The following FANCD2 variants were observed in gnomAD, a reference collection of about 807,000 sequenced individuals.
FANCD2 encodes the protein Fanconi anemia group D2 protein.
FANCD2 carries 131 observed loss-of-function variants against 192.3 expected under a neutral mutation model. That is an observed-to-expected ratio of 0.68 (90% CI 0.59 to 0.79). FANCD2 has a LOEUF of 0.79. FANCD2 is among the 30% of genes least tolerant of loss of function. The pLI, the probability that FANCD2 is intolerant of heterozygous loss-of-function variation, is 0.00. For synonymous variants in FANCD2, 524 were observed against 612.5 expected, an observed-to-expected ratio of 0.86 and a Z score of 2.13; for missense variants, 1,508 against 1,701.6, an observed-to-expected ratio of 0.89 and a Z score of 2.00.
At chr3:10,080,328 G>T (rs1693767077) in intron 30 of FANCD2, among the ~76,000 whole-genome samples, 1 of 152,172 alleles carries the variant, frequency 6.6e-6, no homozygotes, top group South Asian at 2.1e-4. Flanking sequence ...CCACCTCCGG[G>T]ATTCAAGTAA....
intron 18 of FANCD2, 132 bp from the exon 19 acceptor site, chr3:10,060,162 C>T (rs970193417): frequency 1.6e-5 from 10 of 644,286 alleles, no homozygotes; most frequent in Non-Finnish European, 2.4e-5. Context: ...AACGAAAGTC[C>T]GTCTCAAAAA....
intron 7 of FANCD2, 79 bp from the exon 8 acceptor site, chr3:10,039,200 T>A (rs1040711903): frequency 9.2e-5 from 92 of 1,002,386 alleles, no homozygotes; most frequent in Non-Finnish European, 1.3e-4. Flanking sequence ...ATGGCTAAAA[T>A]ATTTTGTGCA....
chr3:10,050,353 G>C (rs187675742), intron 17 of FANCD2, among the ~76,000 whole-genome samples: 4 of 152,062 alleles, frequency 2.6e-5, no homozygotes, highest in African/African-American at 9.7e-5. Context: ...GTCCGGGTGC[G>C]GTGGCTCATG....
intron 29 of FANCD2, 76 bp downstream of exon 29, chr3:10,074,749 A>C: frequency 7.1e-7 from 1 of 1,403,864 alleles, no homozygotes; most frequent in Non-Finnish European, 1.0e-6. Context: ...TTTCACAAAG[A>C]ACACTGTGAC....
rs773656868 is a variant in FANCD2, at chr3:10,032,942, C to T, written c.175C>T (p.Leu59Phe). ...GCTTCTTAAGATATCAGGAATTATT[C>T]TTAAAACGGGAGAGAGTCAGAATCA... is the stretch of plus-strand genomic sequence containing the variant. ...VKLLKISGIILKTGESQNQLA... is the reference protein window; with the variant it reads ...VKLLKISGIIFKTGESQNQLA... Residue 59 changes from leucine (L) to phenylalanine (F), a missense_variant, in exon 3 of 44, where the codon CTT becomes TTT. This residue lies in a region of FANCD2 where 435 missense variants were observed against 421.9 expected (regional missense o/e 1.03). Coordinates refer to ENST00000675286, the MANE Select transcript of FANCD2 (RefSeq NM_001018115.3). The T allele has an allele frequency of 6.3e-7, 1 of 1,590,752 alleles. No homozygotes were observed. Among genetic ancestry groups the T allele is most frequent in the South Asian group, 1.1e-5 (1 of 90,406 alleles).
In FANCD2 at chr3:10,085,891, G is replaced by T; in HGVS notation, c.3304G>T (p.Glu1102Ter). ...HVLSSRLKQG[E>*]HSQPLEELLS... ...CCTTAGTAGCCGACTGAAACAGGGA[G>T]AACACAGCCAGCCTTTGGAGGAACT... The change falls in exon 33 of 44, where the codon GAA (glutamate) becomes TAA (stop). Residue 1102 changes from glutamate (E) to a stop codon, truncating the protein, a stop_gained. Transcript: ENST00000675286. LOFTEE classifies it high-confidence loss of function. 6.2e-7 allele frequency: 1 copy of T among 1,613,296 alleles called. No individual in the cohort carries two copies. Among genetic ancestry groups the T allele is most frequent in the South Asian group, 1.1e-5 (1 of 91,048 alleles).
intron 42 of FANCD2, 75 bp from the exon 43 acceptor site, chr3:10,098,645 A>C: frequency 6.4e-7 from 1 of 1,561,802 alleles, no homozygotes; most frequent in Non-Finnish European, 8.7e-7. Context: ...TATTGCCTGT[A>C]AACTCAACCT....
chr3:10,031,239 C>A (rs938978709), intron 2 of FANCD2, among the ~76,000 whole-genome samples: 1 of 152,136 alleles, frequency 6.6e-6, no homozygotes, highest in Admixed American at 6.5e-5. Flanking sequence ...CACGGTGGCT[C>A]ACGCCTGTAA....
intron 35 of FANCD2, 80 bp from the exon 36 acceptor site, chr3:10,088,748 G>C (rs1694394802): frequency 1.4e-6 from 2 of 1,468,782 alleles, no homozygotes; most frequent in African/African-American, 1.4e-5. Context: ...TGTTAATTCA[G>C]ATCATAGAGG....
intron 18 of FANCD2, among the ~76,000 whole-genome samples, chr3:10,055,332 C>T (rs2087375966): frequency 6.6e-6 from 1 of 152,150 alleles, no homozygotes; most frequent in Admixed American, 6.6e-5. Context: ...CCATCTTCCT[C>T]TCCCCACCCC....
At chr3:10,093,092 G>A (rs1428748013) in intron 38 of FANCD2, among the ~76,000 whole-genome samples, 193 bp from the exon 39 acceptor site, 1 of 152,020 alleles carries the variant, frequency 6.6e-6, no homozygotes, top group Non-Finnish European at 1.5e-5. Context: ...CTCTTTGCTC[G>A]TCTCTTCCTT....
At chr3:10,028,181 T>TA (rs2086504626) in intron 1 of FANCD2, among the ~76,000 whole-genome samples, 1 of 152,168 alleles carries the variant, frequency 6.6e-6, no homozygotes, top group African/African-American at 2.4e-5. Flanking sequence ...TTATAGCACT[T>TA]ACATAACTGT....
chr3:10,061,615 G>C (rs2662145), intron 19 of FANCD2, among the ~76,000 whole-genome samples: 1 of 152,086 alleles, frequency 6.6e-6, no homozygotes, highest in Non-Finnish European at 1.5e-5. Flanking sequence ...ACAATGTTTA[G>C]TACATAATAT....
At chr3:10,088,754 A>G in intron 35 of FANCD2, 74 bp from the exon 36 acceptor site, 1 of 1,488,396 alleles carries the variant, frequency 6.7e-7, no homozygotes, top group Non-Finnish European at 9.4e-7. Context: ...TTCAGATCAT[A>G]GAGGAATTAG....
At position 10,062,174 on chromosome 3, in the gene FANCD2, A is replaced by G; in HGVS notation, c.1790A>G (p.Gln597Arg). Residue 597 changes from glutamine (Q) to arginine (R), a missense_variant, in exon 20 of 44, where the codon CAA becomes CGA. Physicochemically the swap from Gln to Arg is conservative, Grantham distance 43 (BLOSUM62 1). Around this residue, in one of 5 missense-constraint regions of FANCD2, gnomAD observed 110 missense variants for 114.4 expected, o/e 0.96. Transcript: ENST00000675286. ...AGAAGTGAATCACCTAGTTTGACCC[A>G]AGAGAGAGCCAACCTGAGCGATGAG... ...ADRSESPSLT[Q>R]ERANLSDEQC... 6.2e-7 allele frequency: 1 copy of G among 1,613,280 alleles called. No homozygotes were observed. Among genetic ancestry groups the G allele is most frequent in the Non-Finnish European group, 8.5e-7 (1 of 1,179,622 alleles).
rs1279673854 is a variant in FANCD2 at position 10,039,831 on chromosome 3, G to C, written c.681G>C (p.Val227=). The change falls in exon 9 of 44, where the codon GTG becomes GTC. Residue 227 remains valine (V), a synonymous_variant. Transcript: ENST00000675286. ...EILGDSQHAD[V]GKELSDLLIE... is the part of the protein sequence containing the mutation. Reference sequence around the variant, plus strand: ...TAGGGGATTCCCAGCACGCTGATGTGGGGAAAGAACTCAGGTGGATAAACC... The same window carrying C: ...TAGGGGATTCCCAGCACGCTGATGTCGGGAAAGAACTCAGGTGGATAAACC... 4 of 1,613,738 alleles carry C rather than the reference G, an allele frequency of 2.5e-6. No homozygotes were observed. In the Admixed American group the frequency reaches 6.7e-5, roughly 27 times the overall value.
rs1444965291 is a variant in FANCD2, at chr3:10,064,018, C to T, written c.1947+107C>T. On this transcript the variant is annotated intron_variant, in intron 21 of 43. Coordinates refer to ENST00000675286, the MANE Select transcript of FANCD2 (RefSeq NM_001018115.3). ...GAAAATAGATCATCCTGTGACCTCT[C>T]CTAAATTCTAACTGGGAAAGGCTTT... is the stretch of plus-strand genomic sequence containing the variant. 2.0e-6 allele frequency: 3 copies of T among 1,518,414 alleles called. No homozygotes were observed. The African/African-American group carries it at 4.1e-5, about 21-fold the overall frequency. 94.1% of individuals were successfully genotyped at this position (1,518,414 alleles called of 1,614,324 possible). A position where few individuals can be genotyped will look rare whatever the true frequency, so the allele number is the denominator to read the frequency against.
intron 26 of FANCD2, 44 bp from the exon 27 acceptor site, chr3:10,072,827 G>A (rs368201679): frequency 9.6e-5 from 98 of 1,024,324 alleles, no homozygotes; most frequent in Non-Finnish European, 1.5e-4. Context: ...TAATGGTGGT[G>A]TGTAATTGGT....
intron 29 of FANCD2, among the ~76,000 whole-genome samples, chr3:10,077,332 G>A (rs557418746): frequency 1.3e-4 from 20 of 152,138 alleles, no homozygotes; most frequent in South Asian, 4.1e-4. Flanking sequence ...TGAGACAGGC[G>A]TTATCACCTG....
Sources: allele counts gnomAD v4.1 joint callset (sites outside exome capture counted in the v4.1 genomes callset), GRCh38; gene constraint gnomAD v4.1.1; regional missense constraint gnomAD v4.1.1; transcripts MANE v1.5; gene names NCBI Gene and HGNC (gene_info 2026-07-23, HGNC 2026-07-21).